Variants in LONP1 observed in about 807,000 individuals in gnomAD.
LONP1 encodes lon peptidase 1, mitochondrial.
In LONP1, 31 loss-of-function variants were observed where a neutral mutation model predicts 98.5. The ratio of observed to expected loss-of-function variants is 0.31; its 90% CI spans 0.24 to 0.42. The LOEUF (loss-of-function observed/expected upper bound fraction) is 0.42. Among genes scored for constraint, LONP1 ranks in the 20% least tolerant of loss-of-function variants. LONP1 has a pLI of 1.00. For synonymous variants in LONP1, 781 were observed against 594.7 expected, an observed-to-expected ratio of 1.31 and a Z score of -4.56; for missense variants, 1,336 against 1,350.6, an observed-to-expected ratio of 0.99 and a Z score of 0.17.
At chr19:5,707,673 G>T (rs763364936) in intron 6 of LONP1, 24 bp downstream of exon 6, 6 of 1,597,344 alleles carry the variant, frequency 3.8e-6, no homozygotes, top group Non-Finnish European at 5.1e-6. Context: ...GGCGTGGGGG[G>T]CTGTGGAGGT....
intron 8 of LONP1, among the ~76,000 whole-genome samples, chr19:5,705,234 A>G (rs1599465957): frequency 6.6e-6 from 1 of 152,140 alleles, no homozygotes; most frequent in East Asian, 1.9e-4. Context: ...AGGCAGCCGG[A>G]TCATTTGAGG....
intron 9 of LONP1, 61 bp downstream of exon 9, chr19:5,700,728 C>A (rs949756705): frequency 1.3e-5 from 21 of 1,601,010 alleles, no homozygotes; most frequent in Non-Finnish European, 1.8e-5. Flanking sequence ...CCACAGCACA[C>A]AAGAGTCCTG....
At chr19:5,706,155 G>A (rs2055142294) in intron 7 of LONP1, among the ~76,000 whole-genome samples, 163 bp from the exon 8 acceptor site, 1 of 152,106 alleles carries the variant, frequency 6.6e-6, no homozygotes, top group Non-Finnish European at 1.5e-5. Context: ...TTTTGTTTTT[G>A]AGACAGGGTC....
At chr19:5,713,395 G>A (rs963341856) in intron 2 of LONP1, 142 bp from the exon 3 acceptor site, 5 of 1,039,510 alleles carry the variant, frequency 4.8e-6, no homozygotes, top group African/African-American at 1.6e-5. Flanking sequence ...CTTGGCTCCC[G>A]CAGGAGCTCC....
intron 8 of LONP1, among the ~76,000 whole-genome samples, chr19:5,702,448 TGCCTGGCCA>T (rs1347720471): frequency 6.7e-6 from 1 of 149,440 alleles, no homozygotes; most frequent in Non-Finnish European, 1.5e-5. Flanking sequence ...GGAGCCCCTC[TGCCTGGCCA>T]GCCGCCCCCT....
chr19:5,695,012 G>A (rs938597216), intron 13 of LONP1, 111 bp from the exon 14 acceptor site: 22 of 1,293,200 alleles, frequency 1.7e-5, no homozygotes, highest in South Asian at 1.7e-4. Flanking sequence ...GCCTGGGAAC[G>A]AGGTCCCTGA....
chr19:5,698,708 C>T (rs544677652), intron 10 of LONP1, among the ~76,000 whole-genome samples: 1 of 152,322 alleles, frequency 6.6e-6, no homozygotes, highest in South Asian at 2.1e-4. Context: ...GCACGGCAAA[C>T]GCCGGCCCTG....
intron 1 of LONP1, among the ~76,000 whole-genome samples, chr19:5,717,893 T>TTC (rs1289904339): frequency 1.4e-5 from 2 of 141,352 alleles, no homozygotes; most frequent in African/African-American, 5.1e-5. Context: ...CTTTCTTTCT[T>TTC]TTTTTTTTTT....
In LONP1 at chr19:5,697,512, GGAGAGAAGAGGGAGGAGA is replaced by G. The variant is rs1356124296; in HGVS notation, c.1686-773_1686-756del. Among the ~76,000 whole-genome samples the G allele has an allele frequency of 5.6e-5, 8 of 144,096 alleles. No homozygotes were observed. The East Asian group carries it at 1.5e-3, about 26-fold the overall frequency. 94.5% of individuals were successfully genotyped at this position (144,096 alleles called of 152,430 possible). On this transcript the variant is annotated intron_variant, in intron 10 of 17. Coordinates refer to ENST00000360614, the MANE Select transcript of LONP1 (RefSeq NM_004793.4). Reference sequence around the variant, plus strand: ...AGGCTGAGGCAGAGGGAGGAGGGGGGGAGAGAAGAGGGAGGAGAGGGGGAAGAGGGAGGAGATGGAGAG... The same window carrying G: ...AGGCTGAGGCAGAGGGAGGAGGGGGGGGGGGAAGAGGGAGGAGATGGAGAG...
intron 8 of LONP1, among the ~76,000 whole-genome samples, chr19:5,701,299 T>TTCTGCC (rs369082199): frequency 0.012 from 1,865 of 152,232 alleles, 25 homozygotes; most frequent in Non-Finnish European, 0.021. Flanking sequence ...CAAAAAATGC[T>TTCTGCC]TCTGCCTCTG....
At chr19:5,705,007 TA>T (rs1277505386) in intron 8 of LONP1, among the ~76,000 whole-genome samples, 2 of 150,378 alleles carry the variant, frequency 1.3e-5, no homozygotes, top group African/African-American at 2.5e-5. Context: ...CTAAAAATAC[TA>T]AAAATTAGCT....
intron 4 of LONP1, among the ~76,000 whole-genome samples, chr19:5,711,077 A>T (rs2055229857): frequency 6.6e-6 from 1 of 151,886 alleles, no homozygotes; most frequent in Non-Finnish European, 1.5e-5. Context: ...GGCAGGATAG[A>T]AGTGCTGACC....
At chr19:5,711,711 G>A (rs997790576) in intron 4 of LONP1, 60 bp downstream of exon 4, 20 of 1,421,288 alleles carry the variant, frequency 1.4e-5, no homozygotes, top group Admixed American at 7.0e-5. Flanking sequence ...CCGCAGGAAC[G>A]GCTCAAGGGA....
At position 5,700,842 on chromosome 19, in the gene LONP1, C is replaced by A; in HGVS notation, c.1453G>T (p.Ala485Ser). The A allele has an allele frequency of 6.2e-7, 1 of 1,614,212 alleles. No individual in the cohort carries two copies. Among genetic ancestry groups the A allele is most frequent in the Non-Finnish European group, 8.5e-7 (1 of 1,180,026 alleles). The change falls in exon 9 of 18, where the codon GCA becomes TCA. Residue 485 changes from alanine (A) to serine (S), a missense_variant. Ala to Ser is a moderately conservative substitution (Grantham distance 99, BLOSUM62 1). Transcript: ENST00000360614. ...CCGTAGTGGTCTTCCTCCAGCACTGCCTGTGCCCGCGCCAGGTCCAGGTTC... is the reference window on the plus strand; with the variant it reads ...CCGTAGTGGTCTTCCTCCAGCACTGACTGTGCCCGCGCCAGGTCCAGGTTC... ...NENLDLARAQ[A>S]VLEEDHYGME...
intron 10 of LONP1, among the ~76,000 whole-genome samples, chr19:5,697,750 CTGTCCT>C (rs201539832): frequency 0.044 from 6,545 of 148,932 alleles, 194 homozygotes; most frequent in East Asian, 0.12. Context: ...AGCCAGTCTC[CTGTCCT>C]TGTCCTTGTC....
chr19:5,710,240 A>G (rs1174932618), intron 4 of LONP1, among the ~76,000 whole-genome samples: 1 of 151,328 alleles, frequency 6.6e-6, no homozygotes, highest in East Asian at 2.0e-4. Context: ...ATAAGCCACC[A>G]CACCTGGCTA....
At chr19:5,704,541 A>G (rs1345288474) in intron 8 of LONP1, among the ~76,000 whole-genome samples, 3 of 152,212 alleles carry the variant, frequency 2.0e-5, no homozygotes, top group African/African-American at 7.2e-5. Flanking sequence ...CGGCCTGCCC[A>G]GCCCTGCCCC....
chr19:5,708,171 C>G (rs1373321059), intron 5 of LONP1, 171 bp downstream of exon 5: 1 of 675,238 alleles, frequency 1.5e-6, no homozygotes, highest in African/African-American at 1.8e-5. Context: ...GGCCCCGGGC[C>G]TCCCACCTGC....
chr19:5,709,317 C>T (rs2055199156), intron 4 of LONP1, among the ~76,000 whole-genome samples: 1 of 150,510 alleles, frequency 6.6e-6, no homozygotes, highest in South Asian at 2.1e-4. Context: ...GGTGAAACCC[C>T]ATCTCCACTA....
Sources: gnomAD v4.1 joint callset for allele counts (sites outside exome capture counted in the v4.1 genomes callset) on GRCh38, gnomAD v4.1.1 for gene constraint, MANE v1.5 for transcripts, NCBI Gene and HGNC (gene_info 2026-07-23, HGNC 2026-07-21) for gene names.